Variants in PCDH11X observed in about 807,000 individuals in gnomAD.
PCDH11X encodes the protein protocadherin 11 X-linked, also known as protocadherin-11 X-linked.
PCDH11X carries 18 observed loss-of-function variants against 53.3 expected under a neutral mutation model. That is an observed-to-expected ratio of 0.34 (90% CI 0.23 to 0.50). PCDH11X has a LOEUF of 0.50. Ranked by LOEUF, PCDH11X falls within the 20% of genes least tolerant of loss-of-function variation. The pLI is 0.98. For synonymous variants in PCDH11X, 279 were observed against 393.3 expected, an observed-to-expected ratio of 0.71 and a Z score of 3.44; for missense variants, 570 against 1,032.4, an observed-to-expected ratio of 0.55 and a Z score of 6.14.
intron 10 of PCDH11X, among the ~76,000 whole-genome samples, chrX:92,546,859 T>G (rs2074864192): frequency 1.8e-5 from 2 of 112,151 alleles, no homozygotes; most frequent in Non-Finnish European, 3.8e-5. Context: ...GGTCTATGTC[T>G]GCAGGGGCAA....
chrX:92,085,425 T>C (rs1268319614), intron 6 of PCDH11X, among the ~76,000 whole-genome samples: 5 of 107,826 alleles, frequency 4.6e-5, no homozygotes, highest in African/African-American at 1.7e-4. Flanking sequence ...CTCCCCCTGT[T>C]TGACTCTTCT....
chrX:92,457,550 A>G (rs2072932596), intron 9 of PCDH11X, among the ~76,000 whole-genome samples: 1 of 109,945 alleles, frequency 9.1e-6, no homozygotes, highest in Non-Finnish European at 1.9e-5. Context: ...TTATCAAGTC[A>G]GCTTGCACTT....
intron 5 of PCDH11X, among the ~76,000 whole-genome samples, chrX:91,865,306 AT>A (rs1156228756): frequency 9.6e-6 from 1 of 104,055 alleles, no homozygotes; most frequent in Admixed American, 1.1e-4. Context: ...ATCCAAGGGA[AT>A]TCTCTGTATT....
intron 10 of PCDH11X, among the ~76,000 whole-genome samples, chrX:92,495,097 TTCCTTGAATATTTACATAAAATA>T (rs2073837174): frequency 9.5e-6 from 1 of 105,439 alleles, no homozygotes; most frequent in Non-Finnish European, 1.9e-5. Flanking sequence ...AATAGTGAGG[TTCCTTGAATATTTACATAAAATA>T]TTTATATACT....
chrX:92,102,994 G>C (rs936313586), intron 6 of PCDH11X, among the ~76,000 whole-genome samples: 20 of 111,013 alleles, frequency 1.8e-4, no homozygotes, highest in African/African-American at 6.2e-4. Flanking sequence ...GGATATTGCC[G>C]TTGAGCGGGG....
At chrX:92,309,612 T>A (rs188735417) in intron 8 of PCDH11X, among the ~76,000 whole-genome samples, 1 of 112,199 alleles carries the variant, frequency 8.9e-6, no homozygotes, top group Admixed American at 9.5e-5. Flanking sequence ...ATGTACTTAA[T>A]GCTACTGAAG....
At chrX:91,961,407 C>G (rs982299475) in intron 6 of PCDH11X, among the ~76,000 whole-genome samples, 1 of 110,740 alleles carries the variant, frequency 9.0e-6, no homozygotes, top group African/African-American at 3.3e-5. Context: ...CAAGGATGTC[C>G]ACTCTTGCCC....
intron 8 of PCDH11X, among the ~76,000 whole-genome samples, chrX:92,284,031 T>C (rs377370447): frequency 9.2e-6 from 1 of 108,721 alleles, no homozygotes; most frequent in Middle Eastern, 4.8e-3. Context: ...AATTACAAAC[T>C]GAACTTTCCT....
intron 10 of PCDH11X, among the ~76,000 whole-genome samples, chrX:92,616,823 G>T (rs1928021801): frequency 9.0e-6 from 1 of 110,620 alleles, no homozygotes; most frequent in African/African-American, 3.3e-5. Flanking sequence ...CGGATCAATT[G>T]TGGGACCACT....
chrX:92,596,078 A>G (rs1925557982), intron 10 of PCDH11X, among the ~76,000 whole-genome samples: 1 of 112,025 alleles, frequency 8.9e-6, no homozygotes, highest in East Asian at 2.8e-4. Context: ...AACTATACCA[A>G]AGATGGTATA....
At chrX:92,270,796 T>G (rs941371730) in intron 8 of PCDH11X, among the ~76,000 whole-genome samples, 1 of 112,298 alleles carries the variant, frequency 8.9e-6, no homozygotes, top group East Asian at 2.8e-4. Context: ...TGGAGCTATT[T>G]AACCTTTTAT....
intron 10 of PCDH11X, among the ~76,000 whole-genome samples, chrX:92,490,565 A>T: frequency 9.1e-6 from 1 of 110,382 alleles, no homozygotes; most frequent in East Asian, 2.9e-4. Context: ...CATCAGTAGA[A>T]CTTAAGCCAG....
intron 8 of PCDH11X, among the ~76,000 whole-genome samples, chrX:92,352,953 G>A (rs1037193105): frequency 9.1e-6 from 1 of 109,625 alleles, no homozygotes; most frequent in African/African-American, 3.3e-5. Context: ...AGTAGTTCTT[G>A]GAACAAAAGT....
At chrX:92,279,584 T>C (rs1253191017) in intron 8 of PCDH11X, among the ~76,000 whole-genome samples, 1 of 112,720 alleles carries the variant, frequency 8.9e-6, no homozygotes, top group Non-Finnish European at 1.9e-5. Context: ...GACAAGTTAT[T>C]ATCTTTGTAA....
At chrX:92,526,275 T>C in intron 10 of PCDH11X, among the ~76,000 whole-genome samples, 1 of 111,324 alleles carries the variant, frequency 9.0e-6, no homozygotes. Flanking sequence ...AATTCCTTCA[T>C]GAAGCTAAGA....
At chrX:92,395,922 T>A (rs1341499057) in intron 9 of PCDH11X, among the ~76,000 whole-genome samples, 2 of 104,996 alleles carry the variant, frequency 1.9e-5, no homozygotes, top group African/African-American at 7.0e-5. Flanking sequence ...AATGGAGAAC[T>A]TTTTTATATG....
In PCDH11X at chrX:92,268,398, T is replaced by C. The variant is rs186676833; in HGVS notation, c.3144+5255T>C. 3.8e-3 allele frequency among the ~76,000 whole-genome samples: 421 copies of C among 110,636 alleles called. 3 individuals carry two copies. The highest frequency in any genetic ancestry group is 0.013 in the African/African-American group (402 of 30,344). On this transcript the variant is annotated intron_variant, in intron 8 of 10. Coordinates refer to ENST00000682573, the MANE Select transcript of PCDH11X (RefSeq NM_032968.5). The stretch of plus-strand genomic sequence containing the variant: ...CCTCTGCCTCCCAGGTTTAAGCAAT[T>C]CTCCTGTCTCAGCCTCCCGAGTAGC...
At chrX:92,309,914 C>CA (rs1306492013) in intron 8 of PCDH11X, among the ~76,000 whole-genome samples, 1 of 112,060 alleles carries the variant, frequency 8.9e-6, no homozygotes, top group African/African-American at 3.2e-5. Flanking sequence ...GCTTTTCAAA[C>CA]ATCTCTTCCT....
At chrX:91,988,338 A>G (rs1467768537) in intron 6 of PCDH11X, among the ~76,000 whole-genome samples, 3 of 111,176 alleles carry the variant, frequency 2.7e-5, no homozygotes, top group Admixed American at 1.9e-4. Context: ...ATCTGCTACT[A>G]GGAATTGTTC....
Sources: allele counts gnomAD v4.1 joint callset (sites outside exome capture counted in the v4.1 genomes callset), GRCh38; gene constraint gnomAD v4.1.1; transcripts MANE v1.5; gene names NCBI Gene and HGNC (gene_info 2026-07-23, HGNC 2026-07-21).